PCDHGB5: variants seen among roughly 807,000 people sequenced by gnomAD.
PCDHGB5 encodes protocadherin gamma-B5.
PCDHGB5 carries 48 observed loss-of-function variants against 62.9 expected under a neutral mutation model. The observed-to-expected ratio is 0.76, with a 90% CI of 0.61 to 0.97. The LOEUF (loss-of-function observed/expected upper bound fraction) is 0.97, where lower values mean the gene tolerates loss of function less well. PCDHGB5 is among the 50% of genes least tolerant of loss of function. The pLI is 0.00. For synonymous variants in PCDHGB5, 474 were observed against 511.2 expected, an observed-to-expected ratio of 0.93 and a Z score of 0.98; for missense variants, 1,118 against 1,198.6, an observed-to-expected ratio of 0.93 and a Z score of 0.99.
chr5:141,401,940 A>T (rs1423719749), intron 1 of PCDHGB5, among the ~76,000 whole-genome samples: 1 of 152,236 alleles, frequency 6.6e-6, no homozygotes, highest in Non-Finnish European at 1.5e-5. Flanking sequence ...AATAATGTTT[A>T]AGACCACTTT....
Position 141,400,212 on chromosome 5 carries a change from C to G in PCDHGB5, c.2085C>G (p.Ile695Met), listed in dbSNP as rs773459521. 2.5e-6 allele frequency: 4 copies of G among 1,614,058 alleles called. No individual in the cohort carries two copies. The highest frequency in any genetic ancestry group is 3.4e-6 in the Non-Finnish European group (4 of 1,179,896). The part of the protein sequence containing the change: ...QFYLVVALAL[I>M]SVLFLLAVIL... ...ACCTAGTGGTGGCCTTGGCCTTGAT[C>G]TCAGTGCTCTTCCTCCTGGCCGTGA... Residue 695 changes from isoleucine to methionine, a missense_variant, in exon 1 of 4, where the codon ATC becomes ATG. By Grantham distance (10) the Ile-to-Met change is conservative. Around this residue, in one of 2 missense-constraint regions of PCDHGB5, gnomAD observed 1,034 missense variants for 1,029.1 expected, o/e 1.00. Transcript: ENST00000617380.
At chr5:141,496,583 C>A (rs990137003) in intron 2 of PCDHGB5, among the ~76,000 whole-genome samples, 1 of 152,168 alleles carries the variant, frequency 6.6e-6, no homozygotes, top group African/African-American at 2.4e-5. Flanking sequence ...TTTAGGAACG[C>A]AAAGCGCTTC....
Position 141,403,961 on chromosome 5 carries a change from G to A in PCDHGB5, c.2397+3437G>A, listed in dbSNP as rs763967342. 8.1e-6 allele frequency: 13 copies of A among 1,613,892 alleles called. No individual in the cohort carries two copies. Among genetic ancestry groups the A allele is most frequent in the Non-Finnish European group, 1.1e-5 (13 of 1,179,856 alleles). On this transcript the variant is annotated intron_variant, in intron 1 of 3. Transcript: ENST00000617380. ...AGGGTGGACAAAAGTGCTCATTTCG[G>A]TGGAAGATGTAAATGACAATAGACC...
At chr5:141,429,542 A>G (rs1484411621) in intron 1 of PCDHGB5, among the ~76,000 whole-genome samples, 3 of 152,188 alleles carry the variant, frequency 2.0e-5, no homozygotes, top group African/African-American at 7.2e-5. Context: ...AAATAAGAAC[A>G]TGGTAATGAT....
chr5:141,457,471 C>T (rs1478580665), intron 1 of PCDHGB5, among the ~76,000 whole-genome samples: 1 of 152,182 alleles, frequency 6.6e-6, no homozygotes, highest in African/African-American at 2.4e-5. Context: ...CAGGAATAAG[C>T]AGGGCCAGGG....
intron 2 of PCDHGB5, among the ~76,000 whole-genome samples, chr5:141,501,988 T>C (rs2099812189): frequency 6.6e-6 from 1 of 152,056 alleles, no homozygotes; most frequent in Non-Finnish European, 1.5e-5. Flanking sequence ...GGTCCCGTTG[T>C]CTCCCTGACA....
In PCDHGB5 at chr5:141,486,680, T is replaced by A; in HGVS notation, c.2398-8127T>A. The A allele has an allele frequency of 6.2e-7, 1 of 1,614,102 alleles. No homozygotes were observed. Among genetic ancestry groups the A allele is most frequent in the Non-Finnish European group, 8.5e-7 (1 of 1,180,018 alleles). ...CCTGGAGCCCAGGAATCGAGATGTA[T>A]CAGCTTCCTCTTTCATCTCTCTGAA... is the stretch of plus-strand genomic sequence containing the variant. On this transcript the variant is annotated intron_variant, in intron 1 of 3. Coordinates refer to ENST00000617380, the MANE Select transcript of PCDHGB5 (RefSeq NM_018925.3). This position sits in a 1 kb window ranked among gnomAD's most constrained non-coding sequence, Gnocchi z 5.0.
chr5:141,399,940 C>T lies in PCDHGB5; in HGVS notation c.1813C>T (p.Leu605=), dbSNP rs374856105. The change falls in exon 1 of 4, where the codon CTG becomes TTG. Residue 605 remains leucine, a synonymous_variant. Transcript: ENST00000617380. The part of the protein sequence containing the change: ...GHNAWLSYHV[L]QASEPGLFSL... Reference sequence around the variant, plus strand: ...CAACGCCTGGCTGTCCTACCACGTGCTGCAGGCTAGCGAGCCCGGGCTCTT... The same window carrying T: ...CAACGCCTGGCTGTCCTACCACGTGTTGCAGGCTAGCGAGCCCGGGCTCTT... 4.8e-4 allele frequency: 772 copies of T among 1,612,360 alleles called. 1 individual carries two copies. In the African/African-American group the frequency reaches 9.6e-3, roughly 20 times the overall value.
In PCDHGB5 at chr5:141,485,770, T is replaced by A. The variant is rs1199757869; in HGVS notation, c.2398-9037T>A. The A allele has an allele frequency of 6.2e-7, 1 of 1,614,180 alleles. No homozygotes were observed. The highest frequency in any genetic ancestry group is 1.1e-5 in the South Asian group (1 of 91,080). On this transcript the variant is annotated intron_variant, in intron 1 of 3. Transcript: ENST00000617380. This position sits in a 1 kb window ranked among gnomAD's most constrained non-coding sequence, Gnocchi z 5.7. ...TCCCAGAGCTGCTCCTGGAGAAGCC[T>A]TTGGATCGAGAGAAGCAATCGGACT... is the stretch of plus-strand genomic sequence containing the variant.
intron 2 of PCDHGB5, among the ~76,000 whole-genome samples, chr5:141,497,390 C>T (rs2099776143): frequency 6.6e-6 from 1 of 152,158 alleles, no homozygotes; most frequent in Non-Finnish European, 1.5e-5. Context: ...GAGCACCTTA[C>T]CCCTGCCTCA....
chr5:141,418,246 C>T lies in PCDHGB5; in HGVS notation c.2397+17722C>T, dbSNP rs200526306. 4.5e-5 allele frequency: 72 copies of T among 1,614,020 alleles called. No individual in the cohort carries two copies. The African/African-American group carries it at 8.9e-4, about 20-fold the overall frequency. On this transcript the variant is annotated intron_variant, in intron 1 of 3. Coordinates refer to ENST00000617380, the MANE Select transcript of PCDHGB5 (RefSeq NM_018925.3). The stretch of plus-strand genomic sequence containing the variant: ...TGGTGATTGAGGATGTTAATGACCA[C>T]GCCCCTCAATTCCGGAAAGATGAAA...
At chr5:141,459,723 T>G (rs1024452676) in intron 1 of PCDHGB5, among the ~76,000 whole-genome samples, 3 of 152,254 alleles carry the variant, frequency 2.0e-5, no homozygotes, top group African/African-American at 7.2e-5. Context: ...ATGCTTCCTA[T>G]TGTCAATTTT....
intron 1 of PCDHGB5, chr5:141,413,082 A>G: frequency 7.4e-7 from 1 of 1,344,446 alleles, no homozygotes; most frequent in African/African-American, 1.5e-5. Context: ...CCCAGGCTAC[A>G]GAGACACCCT....
In PCDHGB5 at chr5:141,476,686, C is replaced by T. The variant is rs138480390; in HGVS notation, c.2398-18121C>T. On this transcript the variant is annotated intron_variant, in intron 1 of 3. Coordinates refer to ENST00000617380, the MANE Select transcript of PCDHGB5 (RefSeq NM_018925.3). The surrounding 1 kb of genome is among the most constrained non-coding windows in gnomAD (Gnocchi z 7.6). ...TTCGCGTGCAGACGCGGGAGGACAGCACCAAGTACGCGGAGCTGGTGTTGG... is the reference window on the plus strand; with the variant it reads ...TTCGCGTGCAGACGCGGGAGGACAGTACCAAGTACGCGGAGCTGGTGTTGG... 6.2e-7 allele frequency: 1 copy of T among 1,614,126 alleles called. No homozygotes were observed. The highest frequency in any genetic ancestry group is 1.3e-5 in the African/African-American group (1 of 74,952).
At chr5:141,448,114 A>G (rs1483138819) in intron 1 of PCDHGB5, among the ~76,000 whole-genome samples, 1 of 151,948 alleles carries the variant, frequency 6.6e-6, no homozygotes, top group Non-Finnish European at 1.5e-5. Flanking sequence ...AGAAAAGAAA[A>G]TTAGCCTCCC....
Position 141,486,319 on chromosome 5 carries a change from C to T in PCDHGB5, c.2398-8488C>T, listed in dbSNP as rs148184642. The T allele has an allele frequency of 1.7e-4, 268 of 1,614,058 alleles. No individual in the cohort carries two copies. The African/African-American group carries it at 1.7e-3, about 10-fold the overall frequency. Reference sequence around the variant, plus strand: ...TGCAGGATCCAGACTCAGGGTCAAACGGAGATGTGAGCCTCCGCATTCCTG... The same window carrying T: ...TGCAGGATCCAGACTCAGGGTCAAATGGAGATGTGAGCCTCCGCATTCCTG... On this transcript the variant is annotated intron_variant, in intron 1 of 3. Transcript: ENST00000617380. The surrounding 1 kb of genome is among the most constrained non-coding windows in gnomAD (Gnocchi z 5.0).
chr5:141,492,942 G>A (rs897160295), intron 1 of PCDHGB5, among the ~76,000 whole-genome samples: 3 of 152,220 alleles, frequency 2.0e-5, no homozygotes, highest in African/African-American at 7.2e-5. Context: ...GAGATTTGGA[G>A]GTGACCAAAC....
At chr5:141,419,640 T>C (rs2096410171) in intron 1 of PCDHGB5, 2 of 1,612,532 alleles carry the variant, frequency 1.2e-6, no homozygotes. Context: ...GTGGTGGCCG[T>C]GGACGCGGAC....
chr5:141,403,703 G>A (rs747321937), intron 1 of PCDHGB5: 5 of 1,613,946 alleles, frequency 3.1e-6, no homozygotes, highest in Non-Finnish European at 4.2e-6. Context: ...CCGAGTTAAA[G>A]TCCTTGAGAA....
Sources: allele counts gnomAD v4.1 joint callset (sites outside exome capture counted in the v4.1 genomes callset), GRCh38; gene constraint gnomAD v4.1.1; regional missense constraint gnomAD v4.1.1; non-coding constraint Gnocchi (gnomAD v3.1); transcripts MANE v1.5; gene names NCBI Gene and HGNC (gene_info 2026-07-23, HGNC 2026-07-21).